PAX9: variants seen among roughly 807,000 people sequenced by gnomAD.
The protein encoded by PAX9 is paired box 9.
In PAX9, 6 loss-of-function variants were observed where a neutral mutation model predicts 29.1. The observed-to-expected ratio is 0.21, with a 90% CI of 0.11 to 0.41. PAX9 has a LOEUF of 0.41. Ranked by LOEUF, PAX9 falls within the 10% of genes least tolerant of loss-of-function variation. The pLI, the probability that PAX9 is intolerant of heterozygous loss-of-function variation, is 1.00. For synonymous variants in PAX9, 217 were observed against 211.7 expected (o/e 1.03, Z -0.22); for missense variants, 443 against 479.1 (o/e 0.92, Z 0.70).
upstream of PAX9, among the ~76,000 whole-genome samples, chr14:36,659,807 A>G (rs78137305): frequency 0.014 from 2,143 of 152,322 alleles, 53 homozygotes; most frequent in African/African-American, 0.047. Flanking sequence ...AGGGAGTTGT[A>G]TGTTACCTCC....
chr14:36,671,317 A>G (rs1487711830), intron 3 of PAX9, among the ~76,000 whole-genome samples: 2 of 152,114 alleles, frequency 1.3e-5, no homozygotes, highest in Non-Finnish European at 2.9e-5. Flanking sequence ...CATTTGCCAT[A>G]CCAGTTTTAT....
chr14:36,661,967 T>A lies in PAX9; in HGVS notation c.-123T>A. Reference sequence around the variant, plus strand: ...CTTTTGCCCTCTCGCCTCCTCCTCCTGGGAAGAAGCGGAGGCGCCGGCGGT... The same window carrying A: ...CTTTTGCCCTCTCGCCTCCTCCTCCAGGGAAGAAGCGGAGGCGCCGGCGGT... On this transcript the variant is annotated 5_prime_UTR_variant, in exon 1 of 4. Transcript: ENST00000361487. The A allele has an allele frequency of 2.4e-6, 3 of 1,230,140 alleles. No homozygotes were observed. The highest frequency in any genetic ancestry group is 2.6e-5 in the South Asian group (2 of 77,630). 76.2% of individuals were successfully genotyped at this position (1,230,140 alleles called of 1,614,324 possible). A position where few individuals can be genotyped will look rare whatever the true frequency, so the allele number is the denominator to read the frequency against.
chr14:36,675,441 C>A (rs1027072786), intron 3 of PAX9, among the ~76,000 whole-genome samples: 1 of 152,184 alleles, frequency 6.6e-6, no homozygotes, highest in African/African-American at 2.4e-5. Context: ...GATTTATCCA[C>A]GTGGCTTTTA....
intron 3 of PAX9, among the ~76,000 whole-genome samples, chr14:36,672,289 T>C (rs1487415902): frequency 6.7e-6 from 1 of 149,096 alleles, no homozygotes; most frequent in Non-Finnish European, 1.5e-5. Flanking sequence ...TAGTGTAGAT[T>C]TGGTAGTCTC....
upstream of PAX9, among the ~76,000 whole-genome samples, chr14:36,660,397 C>T (rs1392828501): frequency 1.3e-5 from 2 of 152,212 alleles, no homozygotes; most frequent in Admixed American, 6.5e-5. Context: ...CCCAAGATTC[C>T]GATTCTAAAG....
At chr14:36,668,175 A>G (rs12892031) in intron 3 of PAX9, among the ~76,000 whole-genome samples, 83,625 of 151,950 alleles carry the variant, frequency 0.55, 24,141 homozygotes, top group East Asian at 0.75. Context: ...AAGCTTCAAG[A>G]GATTTTGTTA....
intron 3 of PAX9, among the ~76,000 whole-genome samples, chr14:36,666,857 C>G (rs897160297): frequency 2.6e-5 from 4 of 152,150 alleles, no homozygotes; most frequent in African/African-American, 9.7e-5. Flanking sequence ...GCGGCAGCTC[C>G]CCGGGGCGAG....
At chr14:36,673,342 A>G (rs543759578) in intron 3 of PAX9, among the ~76,000 whole-genome samples, 27 of 152,320 alleles carry the variant, frequency 1.8e-4, no homozygotes, top group Non-Finnish European at 2.6e-4. Context: ...TGCATTAAGT[A>G]TGAGAAGTTG....
At chr14:36,660,705 A>G (rs747749128), upstream of PAX9, among the ~76,000 whole-genome samples, 1 of 152,220 alleles carries the variant, frequency 6.6e-6, no homozygotes, top group Non-Finnish European at 1.5e-5. Context: ...AACAGAGTTC[A>G]CGACCCCAAG....
chr14:36,672,781 G>GT (rs66759272), intron 3 of PAX9, among the ~76,000 whole-genome samples: 23 of 57,502 alleles, frequency 4.0e-4, no homozygotes, highest in Non-Finnish European at 7.8e-4. Flanking sequence ...AAAGATTTAT[G>GT]TTTGTTTTTT....
upstream of PAX9, among the ~76,000 whole-genome samples, chr14:36,660,712 C>T (rs1361714454): frequency 6.6e-6 from 1 of 152,182 alleles, no homozygotes; most frequent in African/African-American, 2.4e-5. Context: ...TTCACGACCC[C>T]AAGCAGTACA....
At position 36,677,675 on chromosome 14, in the gene PAX9, T is replaced by C. The variant is rs1313061393; in HGVS notation, c.*1223T>C. On this transcript the variant is annotated 3_prime_UTR_variant, in exon 4 of 4. Transcript: ENST00000361487. The stretch of plus-strand genomic sequence containing the variant: ...AATGTAACAATGGCTTGCTGTGAAG[T>C]TTACATTGTTGTACAGAAGCATGTT... The C allele has an allele frequency of 1.3e-5, 2 of 152,184 alleles. No individual in the cohort carries two copies. Among genetic ancestry groups the C allele is most frequent in the Non-Finnish European group, 2.9e-5 (2 of 68,036 alleles). The allele number at this position is 152,184 out of a possible 1,614,324, so 9.4% of individuals were successfully genotyped here.
rs187201763 is a variant in PAX9 at position 36,678,169 on chromosome 14, G to C, written c.*1717G>C. On this transcript the variant is annotated 3_prime_UTR_variant, in exon 4 of 4. Coordinates refer to ENST00000361487, the MANE Select transcript of PAX9 (RefSeq NM_001372076.1). ...CTGTGCACAGTCTACATGGCAATGC[G>C]GTTCCACCACATCGGTTTCGTGGCT... The C allele has an allele frequency of 4.4e-5, 18 of 411,850 alleles. No individual in the cohort carries two copies. The highest frequency in any genetic ancestry group is 3.2e-4 in the African/African-American group (16 of 50,474). 25.5% of individuals were successfully genotyped at this position (411,850 alleles called of 1,614,324 possible). A position where few individuals can be genotyped will look rare whatever the true frequency, so the allele number is the denominator to read the frequency against.
chr14:36,662,621 G>A, intron 1 of PAX9: 1 of 525,218 alleles, frequency 1.9e-6, no homozygotes, highest in Non-Finnish European at 3.4e-6. Context: ...TGCTTCGGGA[G>A]ACTTTTGAAC....
chr14:36,658,998 CG>C (rs1223067448), upstream of PAX9, among the ~76,000 whole-genome samples: 3 of 152,222 alleles, frequency 2.0e-5, no homozygotes, highest in African/African-American at 7.2e-5. Flanking sequence ...ACTCTCGGCC[CG>C]GCTTCCAGTC....
Position 36,676,141 on chromosome 14 carries a change from G to A in PAX9, c.772-57G>A. ...AAGTTCTGCTTCTTTCTAAGAACGT[G>A]TGAAATGTTCACTCCTATAATGTGA... On this transcript the variant is annotated intron_variant, in intron 3 of 3. Transcript: ENST00000361487. The A allele has an allele frequency of 2.5e-6, 4 of 1,581,918 alleles. No individual in the cohort carries two copies. The South Asian group carries it at 4.4e-5, about 18-fold the overall frequency.
chr14:36,673,935 A>T (rs745864630), intron 3 of PAX9, among the ~76,000 whole-genome samples: 3 of 152,242 alleles, frequency 2.0e-5, no homozygotes, highest in Admixed American at 6.5e-5. Flanking sequence ...ATAAAACATT[A>T]GTCAATGCTG....
At position 36,663,464 on chromosome 14, in the gene PAX9, C is replaced by A; in HGVS notation, c.572C>A (p.Thr191Asn). 6.2e-7 allele frequency: 1 copy of A among 1,613,096 alleles called. No homozygotes were observed. Among genetic ancestry groups the A allele is most frequent in the South Asian group, 1.1e-5 (1 of 91,074 alleles). The change falls in exon 2 of 4, where the codon ACC (threonine) becomes AAC (asparagine). Residue 191 changes from threonine (T) to asparagine (N), a missense_variant. By Grantham distance (65) the Thr-to-Asn change is moderately conservative. This residue lies in a region of PAX9 where 336 missense variants were observed against 317.2 expected (regional missense o/e 1.06). Transcript: ENST00000361487. Reference sequence around the variant, plus strand: ...CCCGGTTCGGTGGCCATGCCGCGCACCTGGCCCTCCTCGCACTCCGTCACC... The same window carrying A: ...CCCGGTTCGGTGGCCATGCCGCGCAACTGGCCCTCCTCGCACTCCGTCACC... ...AIPGSVAMPR[T>N]WPSSHSVTDI... is the part of the protein sequence containing the mutation.
chr14:36,663,238 A>C lies in PAX9; in HGVS notation c.346A>C (p.Asn116His), dbSNP rs1398460057. The C allele has an allele frequency of 1.2e-6, 2 of 1,614,076 alleles. No individual in the cohort carries two copies. Among genetic ancestry groups the C allele is most frequent in the South Asian group, 1.1e-5 (1 of 91,082 alleles). Reference sequence around the variant, plus strand: ...GGCGGACGGCGTGTGCGACAAGTACAATGTGCCCTCCGTGAGCTCCATCAG... The same window carrying C: ...GGCGGACGGCGTGTGCGACAAGTACCATGTGCCCTCCGTGAGCTCCATCAG... The part of the protein sequence containing the change: ...LLADGVCDKY[N>H]VPSVSSISRI... The change falls in exon 2 of 4, where the codon AAT becomes CAT. Residue 116 changes from asparagine to histidine, a missense_variant. This residue lies in a region of PAX9 where 336 missense variants were observed against 317.2 expected (regional missense o/e 1.06). Coordinates refer to ENST00000361487, the MANE Select transcript of PAX9 (RefSeq NM_001372076.1).
Sources: allele counts gnomAD v4.1 joint callset (sites outside exome capture counted in the v4.1 genomes callset), GRCh38; gene constraint gnomAD v4.1.1; regional missense constraint gnomAD v4.1.1; transcripts MANE v1.5; gene names NCBI Gene and HGNC (gene_info 2026-07-23, HGNC 2026-07-21).